CTNNA3: variants seen among roughly 807,000 people sequenced by gnomAD.
The protein encoded by CTNNA3 is catenin alpha 3, also known as catenin alpha-3.
In CTNNA3, 76 loss-of-function variants were observed where a neutral mutation model predicts 95.7. The observed-to-expected ratio is 0.79, with a 90% CI of 0.66 to 0.96. CTNNA3 has a LOEUF of 0.96. CTNNA3 is among the 40% of genes least tolerant of loss of function. CTNNA3 has a pLI of 0.00. For missense variants in CTNNA3, 1,191 were observed against 1,089.8 expected (o/e 1.09, Z -1.31); for synonymous variants, 431 against 374.4 (o/e 1.15, Z -1.74).
At chr10:67,028,403 A>G (rs1166930092) in intron 7 of CTNNA3, among the ~76,000 whole-genome samples, 1 of 152,106 alleles carries the variant, frequency 6.6e-6, no homozygotes, top group Non-Finnish European at 1.5e-5. Context: ...AGTATTTAAC[A>G]TTTCTCAACC....
chr10:66,670,968 A>G (rs1205863300), intron 9 of CTNNA3, among the ~76,000 whole-genome samples: 2 of 152,256 alleles, frequency 1.3e-5, no homozygotes, highest in Non-Finnish European at 1.5e-5. Context: ...CTTTTCTATT[A>G]GAAGTTTCCA....
intron 7 of CTNNA3, among the ~76,000 whole-genome samples, chr10:67,092,639 A>C (rs1212940703): frequency 2.6e-5 from 4 of 152,030 alleles, no homozygotes; most frequent in African/African-American, 7.2e-5. Flanking sequence ...AGAAACTTTA[A>C]AAAACTATTC....
At chr10:67,058,721 T>C (rs1855584744) in intron 7 of CTNNA3, among the ~76,000 whole-genome samples, 1 of 152,180 alleles carries the variant, frequency 6.6e-6, no homozygotes, top group South Asian at 2.1e-4. Context: ...GCTATTTCTC[T>C]TTTTGCAAGG....
At chr10:67,143,049 A>G (rs1028383077) in intron 7 of CTNNA3, among the ~76,000 whole-genome samples, 4 of 152,084 alleles carry the variant, frequency 2.6e-5, no homozygotes, top group Non-Finnish European at 5.9e-5. Flanking sequence ...ACTGACCAGG[A>G]TGGTGGTTGC....
chr10:66,138,548 G>T (rs1233419356), intron 13 of CTNNA3, among the ~76,000 whole-genome samples: 1 of 152,112 alleles, frequency 6.6e-6, no homozygotes, highest in African/African-American at 2.4e-5. Flanking sequence ...GACGAATTGG[G>T]CTGGGCGCAG....
intron 11 of CTNNA3, among the ~76,000 whole-genome samples, chr10:66,439,748 C>A (rs1027116835): frequency 6.6e-6 from 1 of 151,830 alleles, no homozygotes; most frequent in Non-Finnish European, 1.5e-5. Context: ...TCATTTTTAC[C>A]TCAACAATAA....
At chr10:67,680,247 G>A (rs1840602500) in intron 1 of CTNNA3, among the ~76,000 whole-genome samples, 1 of 152,118 alleles carries the variant, frequency 6.6e-6, no homozygotes, top group African/African-American at 2.4e-5. Flanking sequence ...CTCAAGCAGA[G>A]GCCAAGTGAA....
intron 10 of CTNNA3, among the ~76,000 whole-genome samples, chr10:66,559,604 GAGTTTCTTTC>G (rs965677244): frequency 6.6e-6 from 1 of 151,926 alleles, no homozygotes; most frequent in African/African-American, 2.4e-5. Flanking sequence ...GTACAACATT[GAGTTTCTTTC>G]AGTTTCTTAT....
intron 9 of CTNNA3, among the ~76,000 whole-genome samples, chr10:66,731,226 CA>C (rs1848950308): frequency 6.6e-6 from 1 of 152,310 alleles, no homozygotes; most frequent in South Asian, 2.1e-4. Flanking sequence ...TACTATTCAA[CA>C]GCAATCTGAA....
intron 11 of CTNNA3, among the ~76,000 whole-genome samples, chr10:66,510,272 C>T (rs1840608477): frequency 1.3e-5 from 2 of 151,456 alleles, no homozygotes; most frequent in Admixed American, 6.6e-5. Context: ...AATTCATTTG[C>T]CAGTTTTAAG....
intron 13 of CTNNA3, among the ~76,000 whole-genome samples, chr10:66,193,992 G>C (rs1207680058): frequency 3.3e-5 from 5 of 151,924 alleles, no homozygotes; most frequent in Admixed American, 2.6e-4. Flanking sequence ...CTTTCAGAGA[G>C]AAAGAAAAAA....
chr10:67,008,941 T>C (rs1160025941), intron 7 of CTNNA3, among the ~76,000 whole-genome samples: 2 of 152,200 alleles, frequency 1.3e-5, no homozygotes, highest in Non-Finnish European at 1.5e-5. Flanking sequence ...TGAATTTATA[T>C]TTAAAAGATA....
intron 7 of CTNNA3, among the ~76,000 whole-genome samples, chr10:67,171,572 C>G (rs1862023351): frequency 1.3e-5 from 2 of 149,400 alleles, no homozygotes; most frequent in Non-Finnish European, 1.5e-5. Context: ...GAAACTCTGT[C>G]TCAAAAAAAA....
chr10:65,975,054 G>A lies in CTNNA3; in HGVS notation c.2266-8308C>T, dbSNP rs368005659. Among the ~76,000 whole-genome samples, 8 of 152,170 alleles carry A rather than the reference G, an allele frequency of 5.3e-5. No homozygotes were observed. In the East Asian group the frequency reaches 5.8e-4, roughly 11 times the overall value. Reference sequence around the variant, plus strand: ...TTGGAAAATTTGTGAGGTACTTATCGTCTTATATTTTTTAAATAGGCTGTG... The same window carrying A: ...TTGGAAAATTTGTGAGGTACTTATCATCTTATATTTTTTAAATAGGCTGTG... On this transcript the variant is annotated intron_variant, in intron 16 of 17. Coordinates refer to ENST00000433211, the MANE Select transcript of CTNNA3 (RefSeq NM_013266.4).
At chr10:67,106,630 C>T (rs1858649018) in intron 7 of CTNNA3, among the ~76,000 whole-genome samples, 1 of 152,090 alleles carries the variant, frequency 6.6e-6, no homozygotes, top group African/African-American at 2.4e-5. Flanking sequence ...GAAACGGATG[C>T]ACAAAGCAAT....
intron 7 of CTNNA3, among the ~76,000 whole-genome samples, chr10:66,855,297 A>T (rs1369575800): frequency 6.6e-6 from 1 of 151,944 alleles, no homozygotes; most frequent in Non-Finnish European, 1.5e-5. Flanking sequence ...TTAAATCAAG[A>T]TCTCTATCCG....
intron 7 of CTNNA3, among the ~76,000 whole-genome samples, chr10:66,875,299 C>G (rs1425342320): frequency 6.6e-6 from 1 of 151,692 alleles, no homozygotes; most frequent in South Asian, 2.1e-4. Flanking sequence ...AAGGCTACAG[C>G]TGAAAAATAA....
At chr10:67,228,296 C>T (rs751208168) in intron 5 of CTNNA3, among the ~76,000 whole-genome samples, 8 of 152,004 alleles carry the variant, frequency 5.3e-5, no homozygotes, top group African/African-American at 1.2e-4. Flanking sequence ...AAAAGACAAG[C>T]GAAAATCCAA....
chr10:67,684,206 C>T (rs1478195866), intron 1 of CTNNA3, among the ~76,000 whole-genome samples: 1 of 152,214 alleles, frequency 6.6e-6, no homozygotes, highest in African/African-American at 2.4e-5. Flanking sequence ...GGCACGTTTA[C>T]AAACCTTTAG....
Sources: gnomAD v4.1 joint callset for allele counts (sites outside exome capture counted in the v4.1 genomes callset) on GRCh38, gnomAD v4.1.1 for gene constraint, MANE v1.5 for transcripts, NCBI Gene and HGNC (gene_info 2026-07-23, HGNC 2026-07-21) for gene names.